The following ZNF469 variants were observed in gnomAD, a reference collection of about 807,000 sequenced individuals.
The protein encoded by ZNF469 is zinc finger protein 469.
A neutral mutation model predicts 1.0 loss-of-function variants in ZNF469; 1 was observed. The observed-to-expected ratio is 1.00, with a 90% CI of 0.35 to 4.73. The LOEUF (loss-of-function observed/expected upper bound fraction) is 4.73, where lower values mean the gene tolerates loss of function less well. ZNF469 is among the 30% of genes most tolerant of loss of function. The pLI is 0.16. For missense variants in ZNF469, 6,100 were observed against 5,356.3 expected (o/e 1.14, Z -4.33); for synonymous variants, 2,703 against 2,363.4 (o/e 1.14, Z -4.17).
At chr16:88,251,527 G>A in the ZNF469 span, among the ~76,000 whole-genome samples, 1 of 126,048 alleles carries the variant, frequency 7.9e-6, no homozygotes, top group African/African-American at 3.0e-5. Context: ...AGCAGCTAAT[G>A]TCCCTGCTGT....
the ZNF469 span, among the ~76,000 whole-genome samples, chr16:88,227,812 G>A: frequency 1.3e-5 from 2 of 152,214 alleles, no homozygotes; most frequent in African/African-American, 4.8e-5. Flanking sequence ...GCAGAGGGCT[G>A]GCATCAAGGA....
chr16:88,144,466 C>T, the ZNF469 span, among the ~76,000 whole-genome samples: 2 of 152,190 alleles, frequency 1.3e-5, no homozygotes, highest in Admixed American at 1.3e-4. Flanking sequence ...CGGAGGACAT[C>T]ACGTCCCTCC....
At chr16:88,262,659 C>G in the ZNF469 span, among the ~76,000 whole-genome samples, 4 of 152,068 alleles carry the variant, frequency 2.6e-5, no homozygotes, top group Non-Finnish European at 5.9e-5. The surrounding 1 kb of genome is among the most constrained non-coding windows in gnomAD (Gnocchi z 4.3). Flanking sequence ...CTCCTGGGGT[C>G]CTGGGTCCCC....
Position 88,430,185 on chromosome 16 carries a change from G to T in ZNF469, c.2715G>T (p.Thr905=), listed in dbSNP as rs1467084452. The T allele has an allele frequency of 6.5e-7, 1 of 1,547,874 alleles. No homozygotes were observed. Among genetic ancestry groups the T allele is most frequent in the Admixed American group, 2.0e-5 (1 of 50,974 alleles). ...SKAPPPLPAA[T]PDPQTPRPGD... ...CTCCGCCCCCGCTCCCAGCAGCCAC[G>T]CCGGACCCCCAAACCCCCCGCCCTG... Residue 905 remains threonine, a synonymous_variant, in exon 3 of 3, where the codon ACG becomes ACT. Coordinates refer to ENST00000565624, the MANE Select transcript of ZNF469 (RefSeq NM_001367624.2).
At chr16:88,175,106 C>G in the ZNF469 span, among the ~76,000 whole-genome samples, 2 of 152,186 alleles carry the variant, frequency 1.3e-5, no homozygotes, top group Admixed American at 6.5e-5. Flanking sequence ...TTAAGATCTT[C>G]CGACTGATTC....
At chr16:88,229,560 GGATGTCACGCTTGTGCGCT>G in the ZNF469 span, among the ~76,000 whole-genome samples, 16 of 135,600 alleles carry the variant, frequency 1.2e-4, no homozygotes, top group East Asian at 6.4e-4. Context: ...TCACACGTGT[GGATGTCACGCTTGTGCGCT>G]GATGTCACGC....
the ZNF469 span, among the ~76,000 whole-genome samples, chr16:88,124,535 T>A: frequency 6.6e-6 from 1 of 152,234 alleles, no homozygotes; most frequent in Non-Finnish European, 1.5e-5. Flanking sequence ...ATTTCCTTTT[T>A]AATTTCTTAA....
At chr16:88,185,809 A>G in the ZNF469 span, among the ~76,000 whole-genome samples, 9 of 151,400 alleles carry the variant, frequency 5.9e-5, no homozygotes, top group African/African-American at 2.2e-4. Context: ...TCGCACACAC[A>G]CGCATACACG....
At chr16:88,192,784 ATAG>A in the ZNF469 span, among the ~76,000 whole-genome samples, 3 of 150,398 alleles carry the variant, frequency 2.0e-5, no homozygotes, top group Admixed American at 6.6e-5. Context: ...GATGGTGGTG[ATAG>A]TGGTGATGAC....
the ZNF469 span, among the ~76,000 whole-genome samples, chr16:88,306,216 C>T: frequency 2.8e-4 from 42 of 152,228 alleles, 1 homozygote; most frequent in Non-Finnish European, 5.4e-4. Flanking sequence ...TGCCAGGCAC[C>T]GGACTGTGCT....
At chr16:88,259,834 A>T in the ZNF469 span, among the ~76,000 whole-genome samples, 1 of 151,908 alleles carries the variant, frequency 6.6e-6, no homozygotes, top group Non-Finnish European at 1.5e-5. The surrounding 1 kb of genome is among the most constrained non-coding windows in gnomAD (Gnocchi z 4.1). Context: ...TCCGCCGAAG[A>T]CCCTCCTGGA....
At chr16:88,338,131 C>T in the ZNF469 span, among the ~76,000 whole-genome samples, 2 of 152,234 alleles carry the variant, frequency 1.3e-5, no homozygotes, top group Non-Finnish European at 2.9e-5. Context: ...GGCAAACTTC[C>T]TCTTAATGCG....
At chr16:88,182,193 A>G in the ZNF469 span, among the ~76,000 whole-genome samples, 136 of 152,234 alleles carry the variant, frequency 8.9e-4, no homozygotes, top group African/African-American at 3.1e-3. Flanking sequence ...TGTTTACTTA[A>G]AACTATAAGA....
At chr16:88,354,787 C>A in the ZNF469 span, among the ~76,000 whole-genome samples, 1 of 152,194 alleles carries the variant, frequency 6.6e-6, no homozygotes, top group Non-Finnish European at 1.5e-5. Flanking sequence ...ACAGGGCTTC[C>A]TTTTACTCAC....
chr16:88,126,831 T>C, the ZNF469 span, among the ~76,000 whole-genome samples: 1 of 151,144 alleles, frequency 6.6e-6, no homozygotes, highest in Non-Finnish European at 1.5e-5. Context: ...TTCTTGTGTT[T>C]TTGGTAGAGA....
chr16:88,255,962 A>G, the ZNF469 span, among the ~76,000 whole-genome samples: 4 of 152,214 alleles, frequency 2.6e-5, no homozygotes, highest in Admixed American at 2.0e-4. Context: ...ATTTATGGTC[A>G]TGCTGACATT....
the ZNF469 span, among the ~76,000 whole-genome samples, chr16:88,317,116 C>T: frequency 2.0e-5 from 3 of 152,204 alleles, no homozygotes; most frequent in African/African-American, 4.8e-5. Flanking sequence ...ATGGGCAGCC[C>T]CCACCCCAGT....
the ZNF469 span, among the ~76,000 whole-genome samples, chr16:88,284,980 C>A: frequency 6.6e-6 from 1 of 152,270 alleles, no homozygotes; most frequent in Non-Finnish European, 1.5e-5. Flanking sequence ...AGAGATCATC[C>A]TTGGGAGTCC....
chr16:88,218,969 C>G, the ZNF469 span, among the ~76,000 whole-genome samples: 1 of 141,412 alleles, frequency 7.1e-6, no homozygotes, highest in Non-Finnish European at 1.5e-5. Context: ...TCTTATACAC[C>G]AACAACAGAC....
Sources: gnomAD v4.1 joint callset for allele counts (sites outside exome capture counted in the v4.1 genomes callset) on GRCh38, gnomAD v4.1.1 for gene constraint, Gnocchi (gnomAD v3.1) non-coding constraint, MANE v1.5 for transcripts, NCBI Gene and HGNC (gene_info 2026-07-23, HGNC 2026-07-21) for gene names.